Variants in TTC28 observed in about 807,000 individuals in gnomAD.
The protein encoded by TTC28 is tetratricopeptide repeat domain 28.
Under a neutral mutation model 198.0 loss-of-function variants are expected in TTC28, and 61 were observed. The observed-to-expected ratio is 0.31, with a 90% CI of 0.25 to 0.38. The LOEUF (loss-of-function observed/expected upper bound fraction) is 0.38. TTC28 is among the 10% of genes least tolerant of loss of function. The pLI is 1.00. For missense variants in TTC28, 2,678 were observed against 3,164.0 expected, an observed-to-expected ratio of 0.85 and a Z score of 3.69; for synonymous variants, 1,171 against 1,297.8, an observed-to-expected ratio of 0.90 and a Z score of 2.10.
chr22:28,524,500 G>A (rs1011887121), intron 2 of TTC28, among the ~76,000 whole-genome samples: 1 of 150,926 alleles, frequency 6.6e-6, no homozygotes, highest in Non-Finnish European at 1.5e-5. Context: ...ATCCAGACAG[G>A]CACAATGGCT....
At chr22:28,237,440 A>C (rs1432884341) in intron 5 of TTC28, among the ~76,000 whole-genome samples, 1 of 152,198 alleles carries the variant, frequency 6.6e-6, no homozygotes, top group Non-Finnish European at 1.5e-5. Flanking sequence ...TTTACAGTAC[A>C]CATCTTTAAA....
At chr22:28,481,120 A>G (rs1218090979) in intron 2 of TTC28, among the ~76,000 whole-genome samples, 1 of 152,200 alleles carries the variant, frequency 6.6e-6, no homozygotes, top group African/African-American at 2.4e-5. Context: ...TTACATATTT[A>G]AAGTCAACTC....
chr22:28,548,837 A>G (rs2049598492), intron 2 of TTC28, among the ~76,000 whole-genome samples: 1 of 152,078 alleles, frequency 6.6e-6, no homozygotes, highest in African/African-American at 2.4e-5. Flanking sequence ...CCTACCTATG[A>G]TGCCTCTTTT....
At chr22:28,155,116 T>C (rs1009961605) in intron 6 of TTC28, among the ~76,000 whole-genome samples, 2 of 152,244 alleles carry the variant, frequency 1.3e-5, no homozygotes, top group Non-Finnish European at 2.9e-5. Context: ...ATAGATGTTA[T>C]TAGGATGATG....
intron 13 of TTC28, among the ~76,000 whole-genome samples, chr22:28,017,328 G>A (rs1011121484): frequency 2.0e-5 from 3 of 152,374 alleles, no homozygotes; most frequent in Middle Eastern, 3.4e-3. Flanking sequence ...GTCACTGCCC[G>A]TGATGTGCCA....
chr22:28,477,011 A>C (rs1324945533), intron 2 of TTC28, among the ~76,000 whole-genome samples: 5 of 152,228 alleles, frequency 3.3e-5, no homozygotes, highest in African/African-American at 1.2e-4. Flanking sequence ...GGAGCCAGGA[A>C]CAAAAGAATA....
chr22:28,531,209 G>A (rs189404173), intron 2 of TTC28, among the ~76,000 whole-genome samples: 2 of 152,252 alleles, frequency 1.3e-5, no homozygotes, highest in Admixed American at 1.3e-4. Flanking sequence ...AAGGAATGGA[G>A]GAAGATCTAC....
chr22:28,623,554 T>C (rs1013684063), intron 2 of TTC28, among the ~76,000 whole-genome samples: 8 of 152,298 alleles, frequency 5.3e-5, no homozygotes, highest in East Asian at 1.9e-4. Flanking sequence ...CTGGACTTCA[T>C]TGATATCTAT....
chr22:28,135,403 C>A (rs560152783), intron 6 of TTC28, among the ~76,000 whole-genome samples: 22 of 152,212 alleles, frequency 1.4e-4, no homozygotes, highest in Non-Finnish European at 7.3e-5. Context: ...ATTTTACCCT[C>A]TAAATGACTT....
At chr22:28,608,597 G>T (rs934589150) in intron 2 of TTC28, among the ~76,000 whole-genome samples, 3 of 152,162 alleles carry the variant, frequency 2.0e-5, no homozygotes, top group African/African-American at 7.2e-5. Context: ...CTAAAAATGT[G>T]CAGTACTGTG....
intron 2 of TTC28, among the ~76,000 whole-genome samples, chr22:28,595,071 TA>T (rs1488655739): frequency 1.3e-5 from 2 of 152,120 alleles, no homozygotes; most frequent in South Asian, 2.1e-4. Flanking sequence ...AATCTTTTTT[TA>T]AAAAAAGCAT....
chr22:28,458,047 G>A (rs986365320), intron 2 of TTC28, among the ~76,000 whole-genome samples: 5 of 151,786 alleles, frequency 3.3e-5, no homozygotes, highest in African/African-American at 4.8e-5. Flanking sequence ...AACTTAGAAC[G>A]CTAAGTGAAA....
intron 5 of TTC28, among the ~76,000 whole-genome samples, chr22:28,271,040 A>T (rs2145705436): frequency 6.6e-6 from 1 of 152,288 alleles, no homozygotes; most frequent in Admixed American, 6.5e-5. Flanking sequence ...TTGACTGATA[A>T]GATTACGACT....
At chr22:28,401,255 A>G (rs1185043576) in intron 2 of TTC28, among the ~76,000 whole-genome samples, 1 of 152,194 alleles carries the variant, frequency 6.6e-6, no homozygotes, top group Non-Finnish European at 1.5e-5. Context: ...GACGACAACT[A>G]CTAACTTCTT....
At chr22:28,308,262 T>C (rs1343297279) in intron 2 of TTC28, among the ~76,000 whole-genome samples, 1 of 152,218 alleles carries the variant, frequency 6.6e-6, no homozygotes, top group Non-Finnish European at 1.5e-5. Context: ...TTCATTTCAC[T>C]TTTTAGGTAG....
intron 11 of TTC28, among the ~76,000 whole-genome samples, 172 bp downstream of exon 11, chr22:28,096,018 C>T (rs1941959704): frequency 6.6e-6 from 1 of 152,186 alleles, no homozygotes; most frequent in African/African-American, 2.4e-5. Flanking sequence ...GCTGGGCTGT[C>T]TTATTATCTG....
In TTC28 at chr22:27,983,350, G is replaced by T; in HGVS notation, c.6317C>A (p.Pro2106Gln). The T allele has an allele frequency of 5.8e-6, 9 of 1,551,772 alleles. No individual in the cohort carries two copies. The highest frequency in any genetic ancestry group is 7.8e-6 in the Non-Finnish European group (9 of 1,147,100). The change falls in exon 23 of 23, where the codon CCA becomes CAA. Residue 2106 changes from proline (P) to glutamine (Q), a missense_variant. Pro to Gln is a moderately conservative substitution (Grantham distance 76). Coordinates refer to ENST00000397906, the MANE Select transcript of TTC28 (RefSeq NM_001145418.2). ...SVSSKGSIST[P>Q]NSPVKMTLIP... ...CAGAGTCATTTTCACTGGAGAATTT[G>T]GAGTGCTGATGCTCCCTTTGGAGCT...
chr22:28,288,861 G>A (rs891601707), intron 5 of TTC28, among the ~76,000 whole-genome samples: 3 of 151,324 alleles, frequency 2.0e-5, no homozygotes, highest in African/African-American at 7.3e-5. Context: ...GGTAATAAAT[G>A]GCAGAGCCAA....
chr22:28,158,647 G>A (rs1043449337), intron 6 of TTC28, among the ~76,000 whole-genome samples: 4 of 152,244 alleles, frequency 2.6e-5, no homozygotes, highest in Admixed American at 6.5e-5. Flanking sequence ...AAGGTGCCAA[G>A]AACATACACT....
Sources: allele counts gnomAD v4.1 joint callset (sites outside exome capture counted in the v4.1 genomes callset), GRCh38; gene constraint gnomAD v4.1.1; transcripts MANE v1.5; gene names NCBI Gene and HGNC (gene_info 2026-07-23, HGNC 2026-07-21).